The following NKAIN3 variants were observed in gnomAD, a reference collection of about 807,000 sequenced individuals.
NKAIN3 encodes the protein sodium/potassium-transporting ATPase subunit beta-1-interacting protein 3.
NKAIN3 carries 25 observed loss-of-function variants against 30.2 expected under a neutral mutation model. That is an observed-to-expected ratio of 0.83 (90% CI 0.60 to 1.16). NKAIN3 has a LOEUF of 1.16. NKAIN3 is among the 50% of genes most tolerant of loss of function. NKAIN3 has a pLI of 0.00. For synonymous variants in NKAIN3, 91 were observed against 89.6 expected, an observed-to-expected ratio of 1.02 and a Z score of -0.09; for missense variants, 225 against 254.1, an observed-to-expected ratio of 0.89 and a Z score of 0.78.
intron 4 of NKAIN3, among the ~76,000 whole-genome samples, chr8:62,803,283 C>A (rs1206505673): frequency 5.9e-5 from 9 of 152,116 alleles, no homozygotes; most frequent in African/African-American, 2.2e-4. Flanking sequence ...ATCTACAGAA[C>A]TCTCCACCCC....
At chr8:62,300,019 T>C (rs976891452) in intron 1 of NKAIN3, among the ~76,000 whole-genome samples, 5 of 152,120 alleles carry the variant, frequency 3.3e-5, no homozygotes, top group Non-Finnish European at 5.9e-5. Context: ...ACAAGAATCA[T>C]TTCTGTTTCA....
intron 4 of NKAIN3, among the ~76,000 whole-genome samples, chr8:62,845,320 A>G (rs1229238886): frequency 2.0e-4 from 7 of 35,214 alleles, no homozygotes; most frequent in African/African-American, 5.3e-4. Context: ...TATAGTACCT[A>G]ATAGAGTTGG....
chr8:62,810,288 CT>C (rs1307581843), intron 4 of NKAIN3, among the ~76,000 whole-genome samples: 1 of 152,144 alleles, frequency 6.6e-6, no homozygotes, highest in African/African-American at 2.4e-5. Flanking sequence ...CATTCCACTT[CT>C]TTTATGATTT....
intron 1 of NKAIN3, among the ~76,000 whole-genome samples, chr8:62,280,188 T>A (rs60132733): frequency 0.61 from 92,018 of 151,402 alleles, 28,078 homozygotes; most frequent in East Asian, 0.68. Flanking sequence ...CTGTTATTGG[T>A]GTATAAGAAT....
At chr8:62,479,369 T>G (rs535146171) in intron 1 of NKAIN3, among the ~76,000 whole-genome samples, 4 of 152,174 alleles carry the variant, frequency 2.6e-5, no homozygotes, top group African/African-American at 9.6e-5. Context: ...ATTCGGCAGG[T>G]GAAGGAACTG....
chr8:62,330,637 A>G (rs1173524337), intron 1 of NKAIN3, among the ~76,000 whole-genome samples: 1 of 151,932 alleles, frequency 6.6e-6, no homozygotes, highest in Non-Finnish European at 1.5e-5. Context: ...ATGACTGGAA[A>G]TACCTCCCTT....
At chr8:62,373,713 T>C (rs1816979998) in intron 1 of NKAIN3, among the ~76,000 whole-genome samples, 1 of 152,176 alleles carries the variant, frequency 6.6e-6, no homozygotes, top group Admixed American at 6.5e-5. Context: ...AGAAAATGAG[T>C]TGCCATTAAT....
intron 1 of NKAIN3, among the ~76,000 whole-genome samples, chr8:62,565,365 CGTGT>C (rs3059061): frequency 2.7e-5 from 4 of 149,746 alleles, no homozygotes; most frequent in African/African-American, 7.3e-5. Context: ...TACGTGTGTG[CGTGT>C]GTGTGTGTGT....
chr8:62,648,865 A>G lies in NKAIN3; in HGVS notation c.273+59071A>G, dbSNP rs867985740. ...ATGAACCTGAGGGAGGCCTTGCCAC[A>G]GGTCAGTCAGTAAGCTCTGGAAGAG... On this transcript the variant is annotated intron_variant, in intron 3 of 6. Coordinates refer to ENST00000623646, the MANE Select transcript of NKAIN3 (RefSeq NM_001304533.3). Among the ~76,000 whole-genome samples, 4 of 152,246 alleles carry G rather than the reference A, an allele frequency of 2.6e-5. No individual in the cohort carries two copies. The East Asian group carries it at 7.8e-4, about 30-fold the overall frequency.
intron 1 of NKAIN3, among the ~76,000 whole-genome samples, chr8:62,511,134 G>A (rs1229684325): frequency 6.6e-6 from 1 of 152,076 alleles, no homozygotes; most frequent in East Asian, 1.9e-4. Flanking sequence ...AGCCTCTGTG[G>A]CTTCCCTCAA....
intron 3 of NKAIN3, among the ~76,000 whole-genome samples, chr8:62,606,808 GAGAAGAT>G (rs1811145492): frequency 6.6e-6 from 1 of 152,170 alleles, no homozygotes. Context: ...GTATTAGTTT[GAGAAGAT>G]ACTCTGTCCT....
intron 1 of NKAIN3, among the ~76,000 whole-genome samples, chr8:62,556,557 C>A (rs1809396924): frequency 6.6e-6 from 1 of 151,440 alleles, no homozygotes; most frequent in African/African-American, 2.4e-5. Flanking sequence ...AAAATAAGTC[C>A]AGCTATATAA....
At chr8:62,690,036 C>T (rs983191658) in intron 3 of NKAIN3, among the ~76,000 whole-genome samples, 15 of 152,046 alleles carry the variant, frequency 9.9e-5, no homozygotes, top group Non-Finnish European at 1.8e-4. Context: ...AAGAAGACTC[C>T]TTCACCTTAC....
At chr8:62,707,474 A>G (rs1563525153) in intron 3 of NKAIN3, among the ~76,000 whole-genome samples, 1 of 152,070 alleles carries the variant, frequency 6.6e-6, no homozygotes, top group Non-Finnish European at 1.5e-5. Flanking sequence ...TTTCCTGATC[A>G]TTAGTGATGT....
intron 5 of NKAIN3, among the ~76,000 whole-genome samples, chr8:62,927,248 A>T (rs1207565190): frequency 1.3e-5 from 2 of 152,068 alleles, no homozygotes; most frequent in African/African-American, 4.8e-5. Context: ...GCCAGCAGGG[A>T]CTTCCTAATT....
At chr8:62,896,647 T>C (rs1377994693) in intron 4 of NKAIN3, among the ~76,000 whole-genome samples, 1 of 152,188 alleles carries the variant, frequency 6.6e-6, no homozygotes, top group African/African-American at 2.4e-5. Flanking sequence ...TTAAGTCCAC[T>C]GTTAGCACAG....
intron 1 of NKAIN3, among the ~76,000 whole-genome samples, chr8:62,423,995 ATTTCCTC>A (rs1317043567): frequency 6.6e-6 from 1 of 151,814 alleles, no homozygotes; most frequent in East Asian, 1.9e-4. Flanking sequence ...ATCACTCTTT[ATTTCCTC>A]TGTGTGAATT....
chr8:62,431,191 G>A (rs1339741575), intron 1 of NKAIN3, among the ~76,000 whole-genome samples: 2 of 151,794 alleles, frequency 1.3e-5, no homozygotes, highest in Admixed American at 1.3e-4. Context: ...TTTATATCTT[G>A]TTGGATTTCT....
intron 4 of NKAIN3, among the ~76,000 whole-genome samples, chr8:62,894,892 A>T (rs1166604577): frequency 6.6e-6 from 1 of 152,160 alleles, no homozygotes; most frequent in Non-Finnish European, 1.5e-5. Flanking sequence ...GAAATCTATC[A>T]CATCAATATT....
Sources: gnomAD v4.1 joint callset for allele counts (sites outside exome capture counted in the v4.1 genomes callset) on GRCh38, gnomAD v4.1.1 for gene constraint, MANE v1.5 for transcripts, NCBI Gene and HGNC (gene_info 2026-07-23, HGNC 2026-07-21) for gene names.